Variants in ADAMTSL1 observed in about 807,000 individuals in gnomAD.
ADAMTSL1 encodes the protein ADAMTS like 1.
ADAMTSL1 carries 126 observed loss-of-function variants against 201.8 expected under a neutral mutation model. That is an observed-to-expected ratio of 0.62 (90% CI 0.54 to 0.72). ADAMTSL1 has a LOEUF of 0.72. ADAMTSL1 is among the 30% of genes least tolerant of loss of function. The probability of loss-of-function intolerance (pLI) is 0.00; values close to 1 mark genes in which losing one functional copy is unlikely to be tolerated. For synonymous variants in ADAMTSL1, 1,121 were observed against 903.4 expected (o/e 1.24, Z -4.32); for missense variants, 2,679 against 2,277.8 (o/e 1.18, Z -3.59).
At chr9:18,393,959 A>G (rs1440664840) in intron 2 of ADAMTSL1, among the ~76,000 whole-genome samples, 1 of 152,222 alleles carries the variant, frequency 6.6e-6, no homozygotes, top group Non-Finnish European at 1.5e-5. Flanking sequence ...TGTGTAAGCC[A>G]GTTTAAATAA....
At chr9:17,908,006 T>C (rs1825790697) in intron 1 of ADAMTSL1, among the ~76,000 whole-genome samples, 1 of 152,162 alleles carries the variant, frequency 6.6e-6, no homozygotes, top group Non-Finnish European at 1.5e-5. Context: ...CCCTCGCTTT[T>C]TCTTAACGTT....
intron 1 of ADAMTSL1, among the ~76,000 whole-genome samples, chr9:17,926,385 T>C (rs1826531224): frequency 6.6e-6 from 1 of 152,168 alleles, no homozygotes; most frequent in Non-Finnish European, 1.5e-5. Flanking sequence ...CACCAAGGTT[T>C]ATTTCACCAC....
intron 23 of ADAMTSL1, among the ~76,000 whole-genome samples, chr9:18,851,643 A>G (rs1826497883): frequency 6.6e-6 from 1 of 152,128 alleles, no homozygotes; most frequent in Non-Finnish European, 1.5e-5. Context: ...TATACATTGG[A>G]ATGATCCCAT....
Position 18,889,755 on chromosome 9 carries a change from G to A in ADAMTSL1, c.4643+7G>A. Reference sequence around the variant, plus strand: ...GGAGAGACTGCCCTTCTCGGTGAGTGCAGCGGACACTGGCTCAGACCTCCC... The same window carrying A: ...GGAGAGACTGCCCTTCTCGGTGAGTACAGCGGACACTGGCTCAGACCTCCC... On this transcript the variant is annotated splice_region_variant and intron_variant, in intron 25 of 28. Coordinates refer to ENST00000380548, the MANE Select transcript of ADAMTSL1 (RefSeq NM_001040272.6). The A allele has an allele frequency of 1.3e-6, 2 of 1,481,500 alleles. No individual in the cohort carries two copies. The highest frequency in any genetic ancestry group is 8.9e-7 in the Non-Finnish European group (1 of 1,118,664). The allele number at this position is 1,481,500 out of a possible 1,614,324, so 91.8% of individuals were successfully genotyped here.
At chr9:18,833,498 A>G (rs112106022) in intron 23 of ADAMTSL1, among the ~76,000 whole-genome samples, 11,436 of 152,222 alleles carry the variant, frequency 0.075, 554 homozygotes, top group African/African-American at 0.14. Context: ...ACGCATGTAT[A>G]TCTTCTTTTG....
chr9:18,661,823 G>T, intron 8 of ADAMTSL1, 112 bp from the exon 9 acceptor site: 1 of 1,141,584 alleles, frequency 8.8e-7, no homozygotes, highest in East Asian at 2.7e-5. Flanking sequence ...TCCTGGAAAT[G>T]ACTAAGGCAT....
chr9:18,234,208 G>A (rs1830753408), intron 2 of ADAMTSL1, among the ~76,000 whole-genome samples: 1 of 152,190 alleles, frequency 6.6e-6, no homozygotes, highest in African/African-American at 2.4e-5. Context: ...AGGACTGGTG[G>A]TGCCAGTTAC....
At chr9:18,720,521 C>T (rs750350827) in intron 14 of ADAMTSL1, among the ~76,000 whole-genome samples, 11 of 152,156 alleles carry the variant, frequency 7.2e-5, no homozygotes, top group African/African-American at 2.4e-4. Flanking sequence ...CAATGGCTCA[C>T]GCCTGTAATC....
At chr9:18,539,283 G>T (rs1018140734) in intron 3 of ADAMTSL1, among the ~76,000 whole-genome samples, 2 of 152,206 alleles carry the variant, frequency 1.3e-5, no homozygotes, top group African/African-American at 4.8e-5. Context: ...TAGGCAGCCT[G>T]CCCTTGGGGG....
At chr9:18,794,352 T>C (rs189075676) in intron 19 of ADAMTSL1, among the ~76,000 whole-genome samples, 1 of 150,902 alleles carries the variant, frequency 6.6e-6, no homozygotes, top group African/African-American at 2.4e-5. Flanking sequence ...AAGACTGCAG[T>C]GAGCTGTGTT....
intron 15 of ADAMTSL1, among the ~76,000 whole-genome samples, chr9:18,724,986 A>G (rs555839): frequency 0.27 from 41,344 of 151,650 alleles, 6,061 homozygotes; most frequent in Non-Finnish European, 0.33. Flanking sequence ...AGCTCACTGC[A>G]AGCTCCGCCT....
chr9:18,824,349 C>G (rs1433278311), intron 21 of ADAMTSL1, among the ~76,000 whole-genome samples: 7 of 152,190 alleles, frequency 4.6e-5, no homozygotes, highest in Non-Finnish European at 7.3e-5. Context: ...TGATGCCAAC[C>G]TGGCCCCTCT....
chr9:18,511,637 G>T (rs1470449973), intron 2 of ADAMTSL1, among the ~76,000 whole-genome samples: 1 of 152,120 alleles, frequency 6.6e-6, no homozygotes, highest in African/African-American at 2.4e-5. Context: ...GAATAGGAAA[G>T]ATCATTCTAA....
chr9:18,108,112 G>A (rs961255133), intron 1 of ADAMTSL1, among the ~76,000 whole-genome samples: 7 of 151,490 alleles, frequency 4.6e-5, no homozygotes, highest in African/African-American at 1.7e-4. Flanking sequence ...TTGGTGTTTA[G>A]TTTCCTCCAA....
At chr9:18,647,007 T>A (rs999954147) in intron 7 of ADAMTSL1, among the ~76,000 whole-genome samples, 1 of 152,170 alleles carries the variant, frequency 6.6e-6, no homozygotes, top group Non-Finnish European at 1.5e-5. Context: ...TGGCTGTGAA[T>A]CCATCTGGTC....
chr9:18,826,315 G>A lies in ADAMTSL1; in HGVS notation c.3966G>A (p.Arg1322=). ...CTGAAGCTGAAGTCACTTGGTTCAG[G>A]AATAAAAGCAAACTGGGCTCCCCGC... ...GVPEAEVTWF[R]NKSKLGSPHH... Residue 1322 remains arginine, a synonymous_variant, in exon 22 of 29, where the codon AGG becomes AGA. Transcript: ENST00000380548. The A allele has an allele frequency of 6.2e-7, 1 of 1,613,034 alleles. No individual in the cohort carries two copies. Among genetic ancestry groups the A allele is most frequent in the Non-Finnish European group, 8.5e-7 (1 of 1,179,644 alleles).
intron 2 of ADAMTSL1, among the ~76,000 whole-genome samples, chr9:18,231,308 A>G (rs904466521): frequency 3.9e-5 from 6 of 152,156 alleles, no homozygotes; most frequent in Middle Eastern, 3.4e-3. Context: ...CACCCCTACC[A>G]CACTACCAAA....
chr9:18,741,802 T>C (rs550436), intron 15 of ADAMTSL1, among the ~76,000 whole-genome samples: 125,211 of 152,106 alleles, frequency 0.82, 51,637 homozygotes, highest in Non-Finnish European at 0.85. Flanking sequence ...CTATCTTCCC[T>C]TCTGTGAATC....
chr9:18,358,632 G>A (rs1023178804), intron 2 of ADAMTSL1, among the ~76,000 whole-genome samples: 9 of 152,104 alleles, frequency 5.9e-5, no homozygotes, highest in African/African-American at 1.9e-4. Flanking sequence ...GTGATATGTG[G>A]CCTTTTGTGT....
Sources: gnomAD v4.1 joint callset for allele counts (sites outside exome capture counted in the v4.1 genomes callset) on GRCh38, gnomAD v4.1.1 for gene constraint, MANE v1.5 for transcripts, NCBI Gene and HGNC (gene_info 2026-07-23, HGNC 2026-07-21) for gene names.